The following KCNH5 variants were observed in gnomAD, a reference collection of about 807,000 sequenced individuals.
KCNH5 encodes the protein voltage-gated delayed rectifier potassium channel KCNH5.
A neutral mutation model predicts 96.1 loss-of-function variants in KCNH5; 46 were observed. The ratio of observed to expected loss-of-function variants is 0.48; its 90% CI spans 0.38 to 0.61. The LOEUF (loss-of-function observed/expected upper bound fraction) is 0.61. KCNH5 is among the 20% of genes least tolerant of loss of function. The probability of loss-of-function intolerance (pLI) is 0.00; values close to 1 mark genes in which losing one functional copy is unlikely to be tolerated. For missense variants in KCNH5, 907 were observed against 1,225.8 expected (o/e 0.74, Z 3.88); for synonymous variants, 439 against 449.8 (o/e 0.98, Z 0.30).
At chr14:63,003,803 G>C (rs986553811) in intron 3 of KCNH5, among the ~76,000 whole-genome samples, 1 of 150,198 alleles carries the variant, frequency 6.7e-6, no homozygotes, top group Non-Finnish European at 1.5e-5. Context: ...TGTATTTTTA[G>C]TAGAGACGGG....
chr14:62,877,354 T>G lies in KCNH5; in HGVS notation c.1370-27502A>C, dbSNP rs1331720848. 9.2e-5 allele frequency among the ~76,000 whole-genome samples: 14 copies of G among 151,732 alleles called. No individual in the cohort carries two copies. In the South Asian group the frequency reaches 2.3e-3, roughly 25 times the overall value. On this transcript the variant is annotated intron_variant, in intron 7 of 10. Transcript: ENST00000322893. ...ACAAAATTGACAAATGGGATCTAAT[T>G]AAACTAAAGAGCTTCTGCACAGCAA...
chr14:63,015,676 CG>C (rs956898111), intron 2 of KCNH5, among the ~76,000 whole-genome samples: 3 of 151,850 alleles, frequency 2.0e-5, no homozygotes, highest in African/African-American at 7.3e-5. Context: ...AGGATCCCTG[CG>C]TATATCAAAA....
chr14:62,886,217 C>A (rs375807788), intron 7 of KCNH5, among the ~76,000 whole-genome samples: 3 of 152,258 alleles, frequency 2.0e-5, no homozygotes, highest in Admixed American at 6.5e-5. Flanking sequence ...TGTGCCCAAA[C>A]ATCTCTAATT....
chr14:62,928,559 C>T (rs898875266), intron 7 of KCNH5, among the ~76,000 whole-genome samples: 5 of 151,998 alleles, frequency 3.3e-5, no homozygotes, highest in Admixed American at 6.6e-5. Context: ...CCCATTTTAC[C>T]GATGCGGTAA....
At chr14:62,995,239 G>T (rs1323132697) in intron 4 of KCNH5, among the ~76,000 whole-genome samples, 2 of 152,030 alleles carry the variant, frequency 1.3e-5, no homozygotes, top group Non-Finnish European at 2.9e-5. Flanking sequence ...TTGGACCCTT[G>T]TTCCAATCAT....
intron 6 of KCNH5, among the ~76,000 whole-genome samples, chr14:62,958,175 A>G (rs1890141739): frequency 6.6e-6 from 1 of 152,166 alleles, no homozygotes; most frequent in South Asian, 2.1e-4. Flanking sequence ...GTTGGGTGTT[A>G]TTTATCTGTT....
intron 7 of KCNH5, among the ~76,000 whole-genome samples, chr14:62,923,967 G>A (rs1349970073): frequency 6.6e-6 from 1 of 151,718 alleles, no homozygotes; most frequent in Non-Finnish European, 1.5e-5. Flanking sequence ...AAACAAACAC[G>A]TGGGACCACA....
intron 5 of KCNH5, among the ~76,000 whole-genome samples, chr14:62,981,511 T>C (rs1890606582): frequency 6.6e-6 from 1 of 152,270 alleles, no homozygotes; most frequent in African/African-American, 2.4e-5. Context: ...TCCACAACAC[T>C]GCTGGATGTC....
At chr14:62,781,568 C>T (rs931989516) in intron 9 of KCNH5, among the ~76,000 whole-genome samples, 1 of 152,156 alleles carries the variant, frequency 6.6e-6, no homozygotes, top group Admixed American at 6.5e-5. Context: ...GTTTAGAGAC[C>T]TACCGCCAGG....
intron 8 of KCNH5, among the ~76,000 whole-genome samples, chr14:62,840,419 T>G (rs1887552242): frequency 6.6e-6 from 1 of 151,896 alleles, no homozygotes. Context: ...CATGCAGCCC[T>G]CTCCTTGACT....
intron 8 of KCNH5, among the ~76,000 whole-genome samples, chr14:62,825,928 C>T (rs767696216): frequency 6.6e-6 from 1 of 151,886 alleles, no homozygotes; most frequent in Non-Finnish European, 1.5e-5. Context: ...TTGAGGTTCT[C>T]GTTGTGATCA....
chr14:62,780,498 C>T (rs1460697732), intron 9 of KCNH5, among the ~76,000 whole-genome samples: 1 of 152,078 alleles, frequency 6.6e-6, no homozygotes, highest in Non-Finnish European at 1.5e-5. Context: ...CAAGAGCTCC[C>T]CATCCACAAT....
chr14:62,729,679 C>G (rs569326865), intron 10 of KCNH5, among the ~76,000 whole-genome samples: 1 of 152,214 alleles, frequency 6.6e-6, no homozygotes, highest in Non-Finnish European at 1.5e-5. Context: ...ATTTCCTCTT[C>G]TTCCTTTGCA....
intron 3 of KCNH5, among the ~76,000 whole-genome samples, chr14:63,003,312 G>A (rs1891045364): frequency 6.7e-6 from 1 of 149,532 alleles, no homozygotes; most frequent in South Asian, 2.1e-4. Context: ...GGGTTCAGGG[G>A]GCTGGGGAGT....
At chr14:62,992,331 G>A (rs1200194291) in intron 4 of KCNH5, among the ~76,000 whole-genome samples, 1 of 151,896 alleles carries the variant, frequency 6.6e-6, no homozygotes, top group Non-Finnish European at 1.5e-5. Flanking sequence ...ATTTTCTTTT[G>A]GTACATATCC....
intron 7 of KCNH5, among the ~76,000 whole-genome samples, chr14:62,909,327 G>A (rs1452567778): frequency 2.0e-5 from 3 of 151,962 alleles, no homozygotes; most frequent in Admixed American, 2.0e-4. Flanking sequence ...TTACAGGCGT[G>A]AGCCACCGCG....
At chr14:62,770,027 A>G (rs990492212) in intron 10 of KCNH5, among the ~76,000 whole-genome samples, 2 of 152,214 alleles carry the variant, frequency 1.3e-5, no homozygotes, top group Non-Finnish European at 2.9e-5. Context: ...TTTCCACAGC[A>G]TCAAGAATTG....
intron 1 of KCNH5, among the ~76,000 whole-genome samples, chr14:63,018,250 T>A (rs1891362769): frequency 6.6e-6 from 1 of 151,710 alleles, no homozygotes; most frequent in Admixed American, 6.6e-5. Flanking sequence ...GTTCATGGTG[T>A]GAAAGAGCTC....
chr14:62,833,567 G>A (rs1275708366), intron 8 of KCNH5, among the ~76,000 whole-genome samples: 1 of 151,922 alleles, frequency 6.6e-6, no homozygotes, highest in South Asian at 2.1e-4. Context: ...TAAGTGTAAT[G>A]CCTTTAGCTT....
Sources: allele counts gnomAD v4.1 joint callset (sites outside exome capture counted in the v4.1 genomes callset), GRCh38; gene constraint gnomAD v4.1.1; transcripts MANE v1.5; gene names NCBI Gene and HGNC (gene_info 2026-07-23, HGNC 2026-07-21).